GUCY1A1: variants seen among roughly 807,000 people sequenced by gnomAD.
GUCY1A1 encodes the protein guanylate cyclase soluble subunit alpha-1.
GUCY1A1 carries 48 observed loss-of-function variants against 64.5 expected under a neutral mutation model. The observed-to-expected ratio is 0.74, with a 90% CI of 0.59 to 0.95. GUCY1A1 has a LOEUF of 0.95. GUCY1A1 is among the 40% of genes least tolerant of loss of function. The pLI, the probability that GUCY1A1 is intolerant of heterozygous loss-of-function variation, is 0.00. For missense variants in GUCY1A1, 804 were observed against 825.3 expected, an observed-to-expected ratio of 0.97 and a Z score of 0.32; for synonymous variants, 308 against 303.4, an observed-to-expected ratio of 1.02 and a Z score of -0.16.
chr4:155,679,378 A>G (rs762712161), intron 2 of GUCY1A1, among the ~76,000 whole-genome samples: 7 of 152,224 alleles, frequency 4.6e-5, no homozygotes, highest in Non-Finnish European at 8.8e-5. Context: ...ATTTGGCTCA[A>G]TGTTCTGCAG....
intron 2 of GUCY1A1, among the ~76,000 whole-genome samples, chr4:155,688,608 T>A (rs1049628117): frequency 6.6e-6 from 1 of 152,202 alleles, no homozygotes; most frequent in African/African-American, 2.4e-5. Flanking sequence ...CTTTTCACCT[T>A]ATATGCAAAT....
In GUCY1A1 at chr4:155,732,178, C is replaced by T. The variant is rs549982778; in HGVS notation, c.*1947C>T. 1 of 151,880 alleles carries T rather than the reference C, an allele frequency of 6.6e-6. No homozygotes were observed. The highest frequency in any genetic ancestry group is 1.5e-5 in the Non-Finnish European group (1 of 67,830). 9.4% of individuals were successfully genotyped at this position (151,880 alleles called of 1,614,324 possible). On this transcript the variant is annotated 3_prime_UTR_variant, in exon 10 of 10. Coordinates refer to ENST00000506455, the MANE Select transcript of GUCY1A1 (RefSeq NM_001130682.3). ...GTACTCAAAAAGTTTATAATTCAAT[C>T]AGAATTCAAAAAGTATTTTGTGTGT... is the stretch of plus-strand genomic sequence containing the variant.
At chr4:155,728,087 T>G (rs1055857201) in intron 9 of GUCY1A1, among the ~76,000 whole-genome samples, 1 of 151,926 alleles carries the variant, frequency 6.6e-6, no homozygotes, top group Non-Finnish European at 1.5e-5. Context: ...AGTGAACATA[T>G]CCATATCCTT....
intron 2 of GUCY1A1, among the ~76,000 whole-genome samples, chr4:155,691,285 A>G (rs371714659): frequency 3.9e-4 from 60 of 152,286 alleles, no homozygotes; most frequent in African/African-American, 1.4e-3. Flanking sequence ...TCTCTTTTTA[A>G]CTTTGTGGCA....
chr4:155,709,782 G>A (rs1273898575), intron 5 of GUCY1A1, among the ~76,000 whole-genome samples: 1 of 151,962 alleles, frequency 6.6e-6, no homozygotes, highest in Non-Finnish European at 1.5e-5. Flanking sequence ...ACAGTGAGCC[G>A]AGATCGCACC....
chr4:155,708,170 TA>T, intron 4 of GUCY1A1, 65 bp from the exon 5 acceptor site: 1 of 820,102 alleles, frequency 1.2e-6, no homozygotes, highest in Non-Finnish European at 2.1e-6. Context: ...TGTTTCTGTA[TA>T]TTATAATCTG....
intron 2 of GUCY1A1, among the ~76,000 whole-genome samples, chr4:155,674,365 GA>G (rs1734596418): frequency 7.1e-6 from 1 of 141,206 alleles, no homozygotes; most frequent in Admixed American, 7.1e-5. Context: ...AAAAAAAAAA[GA>G]AAGAAAGAAA....
At chr4:155,717,558 A>G (rs563934603) in intron 8 of GUCY1A1, among the ~76,000 whole-genome samples, 1 of 152,298 alleles carries the variant, frequency 6.6e-6, no homozygotes, top group South Asian at 2.1e-4. Context: ...TTCCCATAGT[A>G]TAGGGATTTT....
chr4:155,709,662 C>T (rs1229853347), intron 5 of GUCY1A1, among the ~76,000 whole-genome samples: 1 of 151,978 alleles, frequency 6.6e-6, no homozygotes, highest in East Asian at 1.9e-4. Flanking sequence ...GGTGAAAACC[C>T]GTCTCTACTA....
chr4:155,715,033 G>A (rs1733051520), intron 7 of GUCY1A1, among the ~76,000 whole-genome samples: 3 of 152,164 alleles, frequency 2.0e-5, no homozygotes, highest in Admixed American at 2.0e-4. Context: ...ATAGGGTATA[G>A]TTTTTAAGTA....
rs201185726 is a variant in GUCY1A1, at chr4:155,710,713, G to C, written c.548G>C (p.Gly183Ala). The change falls in exon 6 of 10, where the codon GGC becomes GCC. Residue 183 changes from glycine to alanine, a missense_variant. Gly to Ala is a moderately conservative substitution (Grantham distance 60, BLOSUM62 0). Coordinates refer to ENST00000506455, the MANE Select transcript of GUCY1A1 (RefSeq NM_001130682.3). ...CATTGCCAAGAAGCAGGAAAAAGGG[G>C]CAGGCTTGAGGACGCCTCCATTCTA... ...SSHCQEAGKR[G>A]RLEDASILCL... The C allele has an allele frequency of 9.4e-5, 151 of 1,614,068 alleles. No homozygotes were observed. In the East Asian group the frequency reaches 3.0e-3, roughly 32 times the overall value.
chr4:155,674,361 A>G lies in GUCY1A1; in HGVS notation c.-113+6942A>G, dbSNP rs573192012. Reference sequence around the variant, plus strand: ...AGAGCGAGACTCCATCTAAAAAAAAAAAAGAAAGAAAGAAAGAAACAAAGA... The same window carrying G: ...AGAGCGAGACTCCATCTAAAAAAAAGAAAGAAAGAAAGAAAGAAACAAAGA... On this transcript the variant is annotated intron_variant, in intron 2 of 9. Coordinates refer to ENST00000506455, the MANE Select transcript of GUCY1A1 (RefSeq NM_001130682.3). Among the ~76,000 whole-genome samples, 1,097 of 151,152 alleles carry G rather than the reference A, an allele frequency of 7.3e-3. 64 individuals are homozygous for G. The highest frequency in any genetic ancestry group is 0.022 in the African/African-American group (898 of 40,588).
intron 2 of GUCY1A1, among the ~76,000 whole-genome samples, chr4:155,686,274 G>C (rs1166209870): frequency 6.6e-6 from 1 of 152,054 alleles, no homozygotes; most frequent in Admixed American, 6.5e-5. Context: ...TCAGGAGTTC[G>C]TGACCAGCCT....
Position 155,710,900 on chromosome 4 carries a change from C to A in GUCY1A1, c.735C>A (p.Ser245Arg), listed in dbSNP as rs1045882880. Reference protein sequence around the residue: ...LMPPCFHNDCSEFVNQPYLLY... With the variant: ...LMPPCFHNDCREFVNQPYLLY... The stretch of plus-strand genomic sequence containing the variant: ...CTCCCTGCTTCCATAATGATTGCAG[C>A]GAGTTTGTGAATCAGCCCTACTTGT... The change falls in exon 6 of 10, where the codon AGC becomes AGA. Residue 245 changes from serine to arginine, a missense_variant. Ser to Arg is a moderately radical substitution (Grantham distance 110). Coordinates refer to ENST00000506455, the MANE Select transcript of GUCY1A1 (RefSeq NM_001130682.3). 6.2e-7 allele frequency: 1 copy of A among 1,613,532 alleles called. No homozygotes were observed. The highest frequency in any genetic ancestry group is 1.3e-5 in the African/African-American group (1 of 74,906).
chr4:155,731,498 G>A lies in GUCY1A1; in HGVS notation c.*1267G>A, dbSNP rs1007538895. The stretch of plus-strand genomic sequence containing the variant: ...ATGGAAATGTCTAAGTATTTTTTCC[G>A]GAACTTCAACTTTTTCTTTTTGTTT... On this transcript the variant is annotated 3_prime_UTR_variant, in exon 10 of 10. Transcript: ENST00000506455. 7 of 151,596 alleles carry A rather than the reference G, an allele frequency of 4.6e-5. No individual in the cohort carries two copies. Among genetic ancestry groups the A allele is most frequent in the East Asian group, 1.9e-4 (1 of 5,150 alleles). The allele number at this position is 151,596 out of a possible 1,614,324, so 9.4% of individuals were successfully genotyped here. A position where few individuals can be genotyped will look rare whatever the true frequency, so the allele number is the denominator to read the frequency against.
intron 2 of GUCY1A1, among the ~76,000 whole-genome samples, chr4:155,692,205 A>G (rs1008640170): frequency 3.3e-5 from 5 of 152,166 alleles, no homozygotes; most frequent in African/African-American, 1.2e-4. Flanking sequence ...TTGATGGGCA[A>G]TTAGGTTGAT....
At position 155,736,580 on chromosome 4, in the gene GUCY1A1, C is replaced by T. The variant is rs1285971726; in HGVS notation, c.*6349C>T. 1 of 151,920 alleles carries T rather than the reference C, an allele frequency of 6.6e-6. No individual in the cohort carries two copies. Among genetic ancestry groups the T allele is most frequent in the East Asian group, 1.9e-4 (1 of 5,164 alleles). 9.4% of individuals were successfully genotyped at this position (151,920 alleles called of 1,614,324 possible). A position where few individuals can be genotyped will look rare whatever the true frequency, so the allele number is the denominator to read the frequency against. On this transcript the variant is annotated 3_prime_UTR_variant, in exon 10 of 10. Transcript: ENST00000506455. ...TTCAAAATGAGAAGACAATAACTGA[C>T]AAGTCTGTGATTTTTGGGTTAGATG...
At position 155,701,245 on chromosome 4, in the gene GUCY1A1, G is replaced by A. The variant is rs186340786; in HGVS notation, c.256-2687G>A. On this transcript the variant is annotated intron_variant, in intron 3 of 9. Transcript: ENST00000506455. ...AAGATGAATGTCAATTTCCATAAAAGCCTATTCACTCATAATATTGGTCAA... is the reference window on the plus strand; with the variant it reads ...AAGATGAATGTCAATTTCCATAAAAACCTATTCACTCATAATATTGGTCAA... 1.9e-3 allele frequency among the ~76,000 whole-genome samples: 295 copies of A among 152,222 alleles called. 1 individual carries two copies. Among genetic ancestry groups the A allele is most frequent in the African/African-American group, 6.5e-3 (272 of 41,540 alleles).
chr4:155,693,627 C>T (rs1730043904), intron 2 of GUCY1A1, among the ~76,000 whole-genome samples: 2 of 152,106 alleles, frequency 1.3e-5, no homozygotes, highest in African/African-American at 4.8e-5. Flanking sequence ...ATGAAGAATG[C>T]TAATTAGTTT....
Sources: gnomAD v4.1 joint callset for allele counts (sites outside exome capture counted in the v4.1 genomes callset) on GRCh38, gnomAD v4.1.1 for gene constraint, MANE v1.5 for transcripts, NCBI Gene and HGNC (gene_info 2026-07-23, HGNC 2026-07-21) for gene names.